The following RAB23 variants were observed in gnomAD, a reference collection of about 807,000 sequenced individuals.
The protein encoded by RAB23 is RAB23, member RAS oncogene family.
A neutral mutation model predicts 30.0 loss-of-function variants in RAB23; 15 were observed. The ratio of observed to expected loss-of-function variants is 0.50; its 90% CI spans 0.33 to 0.77. The LOEUF (loss-of-function observed/expected upper bound fraction) is 0.77, where lower values mean the gene tolerates loss of function less well. RAB23 is among the 30% of genes least tolerant of loss of function. RAB23 has a pLI of 0.02. For missense variants in RAB23, 243 were observed against 275.4 expected, an observed-to-expected ratio of 0.88 and a Z score of 0.83; for synonymous variants, 93 against 94.0, an observed-to-expected ratio of 0.99 and a Z score of 0.06.
intron 1 of RAB23, among the ~76,000 whole-genome samples, chr6:57,220,527 C>G (rs982709588): frequency 1.3e-5 from 2 of 152,102 alleles, no homozygotes; most frequent in African/African-American, 4.8e-5. Context: ...GATGTTGAAA[C>G]AGACTGTGGC....
intron 3 of RAB23, among the ~76,000 whole-genome samples, chr6:57,205,318 A>G (rs1765422830): frequency 1.3e-5 from 2 of 152,114 alleles, no homozygotes; most frequent in East Asian, 1.9e-4. Context: ...ATAGCATCTG[A>G]TAAGTAAAAT....
At chr6:57,220,517 G>C (rs1022480643) in intron 1 of RAB23, among the ~76,000 whole-genome samples, 1 of 152,150 alleles carries the variant, frequency 6.6e-6, no homozygotes, top group Non-Finnish European at 1.5e-5. Context: ...TCCATGGGCA[G>C]ATGTTGAAAC....
rs1259081670 is a variant in RAB23, at chr6:57,188,596, A to G, written c.*1865T>C. ...TAAAGAGGAGAGTAGAGAGTAGAAA[A>G]TTGAAGAGAGTAGAAAAGATGACTC... is the stretch of plus-strand genomic sequence containing the variant. On this transcript the variant is annotated 3_prime_UTR_variant, in exon 7 of 7. Transcript: ENST00000468148. 2 of 152,148 alleles carry G rather than the reference A, an allele frequency of 1.3e-5. No individual in the cohort carries two copies. The highest frequency in any genetic ancestry group is 1.3e-4 in the Admixed American group (2 of 15,276). 9.4% of individuals were successfully genotyped at this position (152,148 alleles called of 1,614,324 possible). A position where few individuals can be genotyped will look rare whatever the true frequency, so the allele number is the denominator to read the frequency against.
chr6:57,195,029 G>A (rs1323526269), intron 4 of RAB23, among the ~76,000 whole-genome samples, 177 bp from the exon 5 acceptor site: 1 of 152,136 alleles, frequency 6.6e-6, no homozygotes, highest in Non-Finnish European at 1.5e-5. Flanking sequence ...TAATTTCCCA[G>A]TTAAGTAAAA....
At chr6:57,210,158 T>C in intron 2 of RAB23, 68 bp downstream of exon 2, 1 of 1,528,386 alleles carries the variant, frequency 6.5e-7, no homozygotes, top group Non-Finnish European at 9.0e-7. Flanking sequence ...CAGTTAACTA[T>C]TACTCCAATG....
intron 1 of RAB23, among the ~76,000 whole-genome samples, chr6:57,217,958 A>G (rs1003385644): frequency 5.3e-5 from 8 of 152,234 alleles, no homozygotes; most frequent in Non-Finnish European, 1.0e-4. Context: ...CCCTACACAC[A>G]TAAATGTGAC....
intron 1 of RAB23, among the ~76,000 whole-genome samples, chr6:57,215,050 A>G (rs1765786171): frequency 6.6e-6 from 1 of 152,222 alleles, no homozygotes; most frequent in African/African-American, 2.4e-5. Context: ...AAACTAAATG[A>G]TATGTTCAAC....
intron 3 of RAB23, among the ~76,000 whole-genome samples, chr6:57,207,113 G>A (rs1765480741): frequency 6.6e-6 from 1 of 152,150 alleles, no homozygotes; most frequent in Middle Eastern, 3.2e-3. Context: ...AGTTCCATTT[G>A]GAAGTTTAAT....
At position 57,190,643 on chromosome 6, in the gene RAB23, T is replaced by C. The variant is rs762753069; in HGVS notation, c.575-43A>G. ...AAAGAGTGATTGCCACTGACACGCC[T>C]GAGTTACCTGTTGCATCCAGCTTGT... On this transcript the variant is annotated intron_variant, in intron 6 of 6. Coordinates refer to ENST00000468148, the MANE Select transcript of RAB23 (RefSeq NM_016277.5). 1.3e-4 allele frequency: 209 copies of C among 1,600,584 alleles called. 1 individual carries two copies. The highest frequency in any genetic ancestry group is 6.7e-4 in the South Asian group (61 of 90,796).
At chr6:57,200,002 T>C (rs1282797632) in intron 3 of RAB23, among the ~76,000 whole-genome samples, 1 of 152,082 alleles carries the variant, frequency 6.6e-6, no homozygotes, top group African/African-American at 2.4e-5. Context: ...AATATTTAGT[T>C]TAAAAAGCTC....
intron 2 of RAB23, among the ~76,000 whole-genome samples, chr6:57,209,086 C>T (rs201444723): frequency 2.0e-5 from 3 of 152,036 alleles, no homozygotes; most frequent in Non-Finnish European, 4.4e-5. Context: ...AGCAAAATCA[C>T]CAAGAAAAAG....
intron 4 of RAB23, among the ~76,000 whole-genome samples, chr6:57,195,067 T>C (rs544203743): frequency 6.6e-6 from 1 of 152,344 alleles, no homozygotes; most frequent in East Asian, 1.9e-4. Flanking sequence ...TTTCATTTAG[T>C]GCCTGTACTG....
chr6:57,198,196 G>A (rs1274350930), intron 3 of RAB23, among the ~76,000 whole-genome samples: 1 of 152,120 alleles, frequency 6.6e-6, no homozygotes, highest in Non-Finnish European at 1.5e-5. Context: ...GATCACATTA[G>A]TATACCGATA....
rs1764789242 is a variant in RAB23, at chr6:57,190,313, A to T, written c.*148T>A. 1.1e-6 allele frequency: 1 copy of T among 907,730 alleles called. No individual in the cohort carries two copies. The highest frequency in any genetic ancestry group is 1.6e-5 in the African/African-American group (1 of 60,736). 56.2% of individuals were successfully genotyped at this position (907,730 alleles called of 1,614,324 possible). A position where few individuals can be genotyped will look rare whatever the true frequency, so the allele number is the denominator to read the frequency against. On this transcript the variant is annotated 3_prime_UTR_variant, in exon 7 of 7. Transcript: ENST00000468148. ...AGAGGTCTCACTCTACATTCTGAAA[A>T]GCACTGCAGAGCAATATTTAAGTCT... is the stretch of plus-strand genomic sequence containing the variant.
intron 3 of RAB23, among the ~76,000 whole-genome samples, chr6:57,199,679 T>C (rs754604335): frequency 6.6e-6 from 1 of 152,168 alleles, no homozygotes; most frequent in Non-Finnish European, 1.5e-5. Flanking sequence ...TTACAATCTA[T>C]AGAAAGAATG....
chr6:57,215,691 T>TG lies in RAB23; in HGVS notation c.-65-5247dup, dbSNP rs1765810884. Among the ~76,000 whole-genome samples the TG allele has an allele frequency of 2.0e-5, 3 of 152,166 alleles. No individual in the cohort carries two copies. The South Asian group carries it at 6.2e-4, about 32-fold the overall frequency. On this transcript the variant is annotated intron_variant, in intron 1 of 6. Transcript: ENST00000468148. ...GAAATAATTTTTTAAAAGAAGAACT[T>TG]GGAGTGTCAGAACAAAAGAAAGAAC...
intron 4 of RAB23, 152 bp downstream of exon 4, chr6:57,196,298 G>A: frequency 1.1e-6 from 1 of 874,022 alleles, no homozygotes; most frequent in Non-Finnish European, 1.8e-6. Context: ...ATAGCTCACA[G>A]AAATTTTAGG....
At chr6:57,191,181 G>A (rs536668756) in intron 6 of RAB23, among the ~76,000 whole-genome samples, 12 of 152,128 alleles carry the variant, frequency 7.9e-5, no homozygotes, top group South Asian at 2.1e-4. Flanking sequence ...TAGCTAATAC[G>A]CATGGTACAA....
At chr6:57,211,061 T>C (rs1307405250) in intron 1 of RAB23, among the ~76,000 whole-genome samples, 1 of 152,220 alleles carries the variant, frequency 6.6e-6, no homozygotes, top group Non-Finnish European at 1.5e-5. Context: ...AAGTACTGTA[T>C]AAAATTACTT....
Sources: gnomAD v4.1 joint callset for allele counts (sites outside exome capture counted in the v4.1 genomes callset) on GRCh38, gnomAD v4.1.1 for gene constraint, MANE v1.5 for transcripts, NCBI Gene and HGNC (gene_info 2026-07-23, HGNC 2026-07-21) for gene names.